Variants in AKAP6 observed in about 807,000 individuals in gnomAD.
The protein encoded by AKAP6 is A-kinase anchor protein 6.
AKAP6 carries 58 observed loss-of-function variants against 188.5 expected under a neutral mutation model. That is an observed-to-expected ratio of 0.31 (90% CI 0.25 to 0.38). The LOEUF is 0.38. Ranked by LOEUF, AKAP6 falls within the 10% of genes least tolerant of loss-of-function variation. The pLI is 1.00. For synonymous variants in AKAP6, 989 were observed against 998.6 expected (o/e 0.99, Z 0.18); for missense variants, 2,710 against 2,740.0 (o/e 0.99, Z 0.24).
chr14:32,509,120 C>CTTTTTTTTT lies in AKAP6; in HGVS notation c.325-26418_325-26410dup, dbSNP rs368423502. Among the ~76,000 whole-genome samples the CTTTTTTTTT allele has an allele frequency of 5.9e-4, 56 of 94,768 alleles. 1 individual carries two copies. The highest frequency in any genetic ancestry group is 1.5e-3 in the East Asian group (4 of 2,646). The allele number at this position is 94,768 out of a possible 152,430, so 62.2% of individuals were successfully genotyped here. On this transcript the variant is annotated intron_variant, in intron 2 of 13. Coordinates refer to ENST00000280979, the MANE Select transcript of AKAP6 (RefSeq NM_004274.5). ...AGGCGTAAGCCACCATGCCCTGCCT[C>CTTTTTTTTT]TTTTTTTTTTTTTTTTTTTTTTTTG...
At chr14:32,430,794 T>C (rs1177883195) in intron 1 of AKAP6, among the ~76,000 whole-genome samples, 3 of 152,166 alleles carry the variant, frequency 2.0e-5, no homozygotes, top group African/African-American at 7.2e-5. Flanking sequence ...GTGGGTCGAT[T>C]AATAATTTTT....
At chr14:32,563,901 A>ATTCTAATT (rs1293371814) in intron 4 of AKAP6, among the ~76,000 whole-genome samples, 1 of 152,234 alleles carries the variant, frequency 6.6e-6, no homozygotes, top group Non-Finnish European at 1.5e-5. Context: ...TAATTTTGTC[A>ATTCTAATT]CACAACAACC....
At chr14:32,429,300 T>C (rs1253422725) in intron 1 of AKAP6, among the ~76,000 whole-genome samples, 1 of 152,268 alleles carries the variant, frequency 6.6e-6, no homozygotes, top group Non-Finnish European at 1.5e-5. Flanking sequence ...TATAGACTCA[T>C]GCTCAATTTC....
chr14:32,350,394 T>C (rs1594528264), intron 1 of AKAP6, among the ~76,000 whole-genome samples: 1 of 152,160 alleles, frequency 6.6e-6, no homozygotes, highest in African/African-American at 2.4e-5. Flanking sequence ...GGGGACATTC[T>C]AGGGATACTT....
intron 1 of AKAP6, among the ~76,000 whole-genome samples, chr14:32,385,715 C>A (rs1160923075): frequency 6.6e-6 from 1 of 151,448 alleles, no homozygotes; most frequent in Non-Finnish European, 1.5e-5. Flanking sequence ...CAATCTCATC[C>A]AGGTTGCTAC....
At chr14:32,431,529 C>T (rs985503434) in intron 1 of AKAP6, among the ~76,000 whole-genome samples, 7 of 152,040 alleles carry the variant, frequency 4.6e-5, no homozygotes, top group East Asian at 1.9e-4. Flanking sequence ...TTTTTTGAGA[C>T]GTAGTTTCAC....
At position 32,568,552 on chromosome 14, in the gene AKAP6, G is replaced by A. The variant is rs986422466; in HGVS notation, c.2347-8568G>A. On this transcript the variant is annotated intron_variant, in intron 4 of 13. Coordinates refer to ENST00000280979, the MANE Select transcript of AKAP6 (RefSeq NM_004274.5). The surrounding 1 kb of genome is among the most constrained non-coding windows in gnomAD (Gnocchi z 6.2). Reference sequence around the variant, plus strand: ...CTCAGGTGCTCATTTGAGACTTAAAGGCAGATAAAGATGATCTGATCTGCT... The same window carrying A: ...CTCAGGTGCTCATTTGAGACTTAAAAGCAGATAAAGATGATCTGATCTGCT... Among the ~76,000 whole-genome samples the A allele has an allele frequency of 6.6e-6, 1 of 151,980 alleles. No individual in the cohort carries two copies. The highest frequency in any genetic ancestry group is 1.5e-5 in the Non-Finnish European group (1 of 67,996).
chr14:32,369,643 T>A (rs190636682), intron 1 of AKAP6, among the ~76,000 whole-genome samples: 56 of 152,344 alleles, frequency 3.7e-4, no homozygotes, highest in Admixed American at 1.7e-3. Context: ...CCTCAACAGG[T>A]GAGGGAGAAA....
At chr14:32,456,983 C>A (rs189994037) in intron 2 of AKAP6, among the ~76,000 whole-genome samples, 3 of 152,136 alleles carry the variant, frequency 2.0e-5, no homozygotes, top group African/African-American at 7.2e-5. Flanking sequence ...TAAATTTAGC[C>A]AAGATGTAAC....
intron 4 of AKAP6, among the ~76,000 whole-genome samples, chr14:32,547,868 T>A (rs1883268773): frequency 6.6e-6 from 1 of 151,644 alleles, no homozygotes; most frequent in South Asian, 2.1e-4. Context: ...ATCTCAGGAC[T>A]GAGCTCCATA....
chr14:32,330,001 A>G (rs553153414), intron 1 of AKAP6, among the ~76,000 whole-genome samples: 22 of 152,274 alleles, frequency 1.4e-4, no homozygotes, highest in African/African-American at 1.9e-4. Context: ...CTTTTGATCT[A>G]TATGGTAGTT....
chr14:32,505,371 C>T (rs954027936), intron 2 of AKAP6, among the ~76,000 whole-genome samples: 10 of 151,154 alleles, frequency 6.6e-5, no homozygotes, highest in African/African-American at 2.4e-4. Flanking sequence ...AGGGCTGCAT[C>T]TATGGTGAGG....
chr14:32,545,489 C>T lies in AKAP6; in HGVS notation c.836C>T (p.Ala279Val). The T allele has an allele frequency of 6.2e-7, 1 of 1,614,208 alleles. No homozygotes were observed. Among genetic ancestry groups the T allele is most frequent in the Non-Finnish European group, 8.5e-7 (1 of 1,180,034 alleles). ...AGTGTTGGTTTACTTACGGTAGCTG[C>T]TGACTCTATCTCTACCAATGGCAGT... is the stretch of plus-strand genomic sequence containing the variant. ...IRSVGLLTVAADSISTNGSEA... is the reference protein window; with the variant it reads ...IRSVGLLTVAVDSISTNGSEA... Residue 279 changes from alanine (A) to valine (V), a missense_variant, in exon 4 of 14, where the codon GCT becomes GTT. Physicochemically the swap from Ala to Val is moderately conservative, Grantham distance 64. This residue lies in a region of AKAP6 where 2,473 missense variants were observed against 2,426.1 expected (regional missense o/e 1.02). Coordinates refer to ENST00000280979, the MANE Select transcript of AKAP6 (RefSeq NM_004274.5).
At chr14:32,780,295 C>G (rs1032845998) in intron 12 of AKAP6, among the ~76,000 whole-genome samples, 2 of 150,660 alleles carry the variant, frequency 1.3e-5, no homozygotes, top group East Asian at 2.0e-4. Context: ...AAACCAGACA[C>G]AGAAAGAAAA....
rs772560260 is a variant in AKAP6, at chr14:32,822,048, A to C, written c.4235A>C (p.Lys1412Thr). The C allele has an allele frequency of 1.2e-6, 2 of 1,613,936 alleles. No homozygotes were observed. The highest frequency in any genetic ancestry group is 1.7e-6 in the Non-Finnish European group (2 of 1,179,950). ...MGDAVNVLKQKFTDEGESIKL... is the reference protein window; with the variant it reads ...MGDAVNVLKQTFTDEGESIKL... ...GATGCAGTTAACGTGTTAAAGCAAA[A>C]ATTTACAGATGAGGGGGAAAGCATT... The change falls in exon 13 of 14, where the codon AAA becomes ACA. Residue 1412 changes from lysine to threonine, a missense_variant. Coordinates refer to ENST00000280979, the MANE Select transcript of AKAP6 (RefSeq NM_004274.5).
intron 9 of AKAP6, among the ~76,000 whole-genome samples, chr14:32,727,682 G>A (rs2030940983): frequency 6.6e-6 from 1 of 152,142 alleles, no homozygotes; most frequent in Non-Finnish European, 1.5e-5. Flanking sequence ...AAATGACATT[G>A]CACTTTTTAA....
intron 2 of AKAP6, among the ~76,000 whole-genome samples, chr14:32,510,630 T>C (rs1881211757): frequency 2.0e-5 from 3 of 151,648 alleles, no homozygotes; most frequent in South Asian, 2.1e-4. Flanking sequence ...AGCCTACTTA[T>C]AGACCTTAAG....
Position 32,821,649 on chromosome 14 carries a change from C to T in AKAP6, c.3836C>T (p.Ala1279Val). 5 of 1,613,634 alleles carry T rather than the reference C, an allele frequency of 3.1e-6. No homozygotes were observed. Among genetic ancestry groups the T allele is most frequent in the Non-Finnish European group, 3.4e-6 (4 of 1,179,862 alleles). The change falls in exon 13 of 14, where the codon GCC (alanine) becomes GTC (valine). Residue 1279 changes from alanine to valine, a missense_variant. By Grantham distance (64) the Ala-to-Val change is moderately conservative (BLOSUM62 0). Coordinates refer to ENST00000280979, the MANE Select transcript of AKAP6 (RefSeq NM_004274.5). The part of the protein sequence containing the change: ...GGSQYASNIT[A>V]PSSPHIYQVY... ...TCTCAGTATGCCTCAAATATTACTG[C>T]CCCCTCTAGTCCACACATTTACCAG...
chr14:32,727,141 A>C (rs566421096), intron 9 of AKAP6, among the ~76,000 whole-genome samples: 1 of 152,318 alleles, frequency 6.6e-6, no homozygotes, highest in Non-Finnish European at 1.5e-5. Flanking sequence ...TATGATCAAG[A>C]TAGTTCTTAA....
Sources: allele counts gnomAD v4.1 joint callset (sites outside exome capture counted in the v4.1 genomes callset), GRCh38; gene constraint gnomAD v4.1.1; regional missense constraint gnomAD v4.1.1; non-coding constraint Gnocchi (gnomAD v3.1); transcripts MANE v1.5; gene names NCBI Gene and HGNC (gene_info 2026-07-23, HGNC 2026-07-21).